The following SDK2 variants were observed in gnomAD, a reference collection of about 807,000 sequenced individuals.
The protein encoded by SDK2 is protein sidekick-2.
In SDK2, 105 loss-of-function variants were observed where a neutral mutation model predicts 253.9. The observed-to-expected ratio is 0.41, with a 90% CI of 0.35 to 0.49. The LOEUF (loss-of-function observed/expected upper bound fraction) is 0.49. Among genes scored for constraint, SDK2 ranks in the 20% least tolerant of loss-of-function variants. The pLI is 0.06. For synonymous variants in SDK2, 1,249 were observed against 1,234.9 expected (o/e 1.01, Z -0.24); for missense variants, 2,608 against 3,003.0 (o/e 0.87, Z 3.07).
intron 22 of SDK2, 99 bp downstream of exon 22, chr17:73,399,069 A>T: frequency 8.0e-7 from 1 of 1,255,924 alleles, no homozygotes; most frequent in Non-Finnish European, 1.1e-6. Flanking sequence ...AGAGCTGCAC[A>T]TGAAAATTCA....
intron 1 of SDK2, among the ~76,000 whole-genome samples, chr17:73,631,588 C>T (rs949664095): frequency 8.5e-5 from 13 of 152,186 alleles, no homozygotes; most frequent in Non-Finnish European, 1.6e-4. Context: ...CCAGGAACCC[C>T]GGGGAACTGG....
intron 1 of SDK2, among the ~76,000 whole-genome samples, chr17:73,634,921 C>G (rs777404431): frequency 2.6e-5 from 4 of 152,070 alleles, no homozygotes; most frequent in Admixed American, 6.5e-5. Flanking sequence ...GTAACTCATC[C>G]AAGGTCACCC....
intron 4 of SDK2, among the ~76,000 whole-genome samples, chr17:73,449,573 C>T (rs1175030899): frequency 1.3e-5 from 2 of 148,930 alleles, no homozygotes; most frequent in African/African-American, 5.0e-5. Context: ...CCCCCAATTC[C>T]TGGGTACCCT....
intron 41 of SDK2, among the ~76,000 whole-genome samples, chr17:73,351,922 T>A (rs7342840): frequency 0.9 from 137,011 of 151,642 alleles, 63,453 homozygotes; most frequent in Non-Finnish European, 1. Context: ...CTTTGTATTC[T>A]GGGTGGTTAG....
rs112614181 is a variant in SDK2 at position 73,399,350 on chromosome 17, G to A, written c.2972-61C>T. 38 of 1,583,716 alleles carry A rather than the reference G, an allele frequency of 2.4e-5. No homozygotes were observed. In the African/African-American group the frequency reaches 2.7e-4, roughly 11 times the overall value. ...GTGAGAATGGCCCCCCATGTTGAAC[G>A]GGACTGTTGGGCATGGAGGGGGCTG... is the stretch of plus-strand genomic sequence containing the variant. On this transcript the variant is annotated intron_variant, in intron 21 of 44. Transcript: ENST00000392650.
In SDK2 at chr17:73,470,010, A is replaced by G. The variant is rs1187207341; in HGVS notation, c.331+2102T>C. On this transcript the variant is annotated intron_variant, in intron 3 of 44. Transcript: ENST00000392650. ...CGCGCGCGCACACACACACACACAC[A>G]CACACACACACACACACACACACAG... 8.6e-4 allele frequency among the ~76,000 whole-genome samples: 131 copies of G among 151,522 alleles called. 1 individual carries two copies. Among genetic ancestry groups the G allele is most frequent in the African/African-American group, 2.9e-3 (119 of 41,208 alleles).
In SDK2 at chr17:73,478,438, G is replaced by C. The variant is rs116468553; in HGVS notation, c.225-6220C>G. 7.0e-3 allele frequency among the ~76,000 whole-genome samples: 1,058 copies of C among 152,212 alleles called. 7 individuals carry two copies. The highest frequency in any genetic ancestry group is 0.024 in the African/African-American group (997 of 41,510). On this transcript the variant is annotated intron_variant, in intron 2 of 44. Transcript: ENST00000392650. Reference sequence around the variant, plus strand: ...GGCTTGGGGCTGGGGGCAGAAAGAGGGCAGTGAAGGAAGATACGCCAAGAA... The same window carrying C: ...GGCTTGGGGCTGGGGGCAGAAAGAGCGCAGTGAAGGAAGATACGCCAAGAA...
intron 4 of SDK2, among the ~76,000 whole-genome samples, chr17:73,451,009 C>G (rs1218348751): frequency 1.3e-5 from 2 of 152,244 alleles, no homozygotes; most frequent in African/African-American, 2.4e-5. Context: ...CAGAGACAGA[C>G]TTTGCATCTC....
At chr17:73,351,112 CTT>C (rs11320990) in intron 41 of SDK2, among the ~76,000 whole-genome samples, 22,037 of 145,824 alleles carry the variant, frequency 0.15, 1,866 homozygotes, top group South Asian at 0.23. Flanking sequence ...ACTTTTTCCC[CTT>C]TTTTTTTTTT....
intron 1 of SDK2, among the ~76,000 whole-genome samples, chr17:73,607,013 T>C (rs528400200): frequency 6.6e-6 from 1 of 152,160 alleles, no homozygotes; most frequent in African/African-American, 2.4e-5. Context: ...AGCTAGACCA[T>C]GAGGCTGGAC....
chr17:73,448,834 T>G (rs1465422640), intron 4 of SDK2, among the ~76,000 whole-genome samples: 2 of 152,068 alleles, frequency 1.3e-5, no homozygotes, highest in Non-Finnish European at 2.9e-5. Context: ...CTAATTCTTA[T>G]ATTTTTAGTA....
At position 73,467,388 on chromosome 17, in the gene SDK2, G is replaced by A. The variant is rs189544707; in HGVS notation, c.331+4724C>T. ...AAGGTGTGTCACCCGGCCGAGCCTC[G>A]GTTTCCTCATCTGTAACATGGAGAT... On this transcript the variant is annotated intron_variant, in intron 3 of 44. Transcript: ENST00000392650. The surrounding 1 kb of genome is among the most constrained non-coding windows in gnomAD (Gnocchi z 4.1). Among the ~76,000 whole-genome samples, 7 of 152,168 alleles carry A rather than the reference G, an allele frequency of 4.6e-5. No individual in the cohort carries two copies. Among genetic ancestry groups the A allele is most frequent in the East Asian group, 3.9e-4 (2 of 5,162 alleles).
At chr17:73,420,783 C>T (rs2063223246) in intron 15 of SDK2, among the ~76,000 whole-genome samples, 2 of 152,294 alleles carry the variant, frequency 1.3e-5, no homozygotes, top group East Asian at 1.9e-4. Context: ...TCAAGCAATT[C>T]TCCTGTCTCA....
chr17:73,414,536 G>T, intron 18 of SDK2, 108 bp downstream of exon 18: 2 of 817,366 alleles, frequency 2.4e-6, no homozygotes, highest in South Asian at 1.6e-5. Context: ...TCGAGCCAAT[G>T]ACTTCAGAAA....
At chr17:73,513,134 T>C (rs2063994217) in intron 1 of SDK2, among the ~76,000 whole-genome samples, 1 of 134,160 alleles carries the variant, frequency 7.5e-6, no homozygotes, top group Admixed American at 7.9e-5. Context: ...ACACAGAAAT[T>C]CTGCCTGGAA....
rs371224876 is a variant in SDK2, at chr17:73,379,257, C to T, written c.4900G>A (p.Gly1634Ser). ...TAAPRNVVVH[G>S]ATATQLDVTW... ...ACGTCCAGCTGTGTGGCCGTGGCGCCGTGGACGACCACGTTACGAGGTGCT... is the reference window on the plus strand; with the variant it reads ...ACGTCCAGCTGTGTGGCCGTGGCGCTGTGGACGACCACGTTACGAGGTGCT... The change falls in exon 36 of 45, where the codon GGC becomes AGC. Residue 1634 changes from glycine to serine, a missense_variant. Physicochemically the swap from Gly to Ser is moderately conservative, Grantham distance 56. This residue lies in a region of SDK2 where 1,103 missense variants were observed against 1,143.9 expected (regional missense o/e 0.96). Transcript: ENST00000392650. The surrounding 1 kb of genome is among the most constrained non-coding windows in gnomAD (Gnocchi z 4.5). 76 of 1,554,442 alleles carry T rather than the reference C, an allele frequency of 4.9e-5. 1 individual carries two copies. Among genetic ancestry groups the T allele is most frequent in the East Asian group, 2.7e-4 (11 of 41,108 alleles).
chr17:73,371,112 A>G (rs2062731740), intron 36 of SDK2, among the ~76,000 whole-genome samples: 1 of 152,244 alleles, frequency 6.6e-6, no homozygotes, highest in Non-Finnish European at 1.5e-5. Context: ...ATATGGATAG[A>G]TGAATGAAAG....
At chr17:73,503,211 GAAC>G (rs1415279420) in intron 2 of SDK2, among the ~76,000 whole-genome samples, 3 of 152,210 alleles carry the variant, frequency 2.0e-5, no homozygotes, top group South Asian at 2.1e-4. Context: ...CGTTGAAGAA[GAAC>G]AACAACCATG....
At position 73,338,054 on chromosome 17, in the gene SDK2, T is replaced by G. The variant is rs563039178; in HGVS notation, c.*533A>C. 1.0e-5 allele frequency: 2 copies of G among 192,866 alleles called. No homozygotes were observed. Among genetic ancestry groups the G allele is most frequent in the African/African-American group, 4.7e-5 (2 of 42,154 alleles). 11.9% of individuals were successfully genotyped at this position (192,866 alleles called of 1,614,324 possible). A position where few individuals can be genotyped will look rare whatever the true frequency, so the allele number is the denominator to read the frequency against. On this transcript the variant is annotated 3_prime_UTR_variant, in exon 45 of 45. Transcript: ENST00000392650. This position sits in a 1 kb window ranked among gnomAD's most constrained non-coding sequence, Gnocchi z 5.0. The stretch of plus-strand genomic sequence containing the variant: ...GGTCTGGATGAGGCTGTCCGATGCC[T>G]GCCAGCCACAGTGATGGTGCATGGA...
Sources: gnomAD v4.1 joint callset for allele counts (sites outside exome capture counted in the v4.1 genomes callset) on GRCh38, gnomAD v4.1.1 for gene constraint, gnomAD v4.1.1 regional missense constraint, Gnocchi (gnomAD v3.1) non-coding constraint, MANE v1.5 for transcripts, NCBI Gene and HGNC (gene_info 2026-07-23, HGNC 2026-07-21) for gene names.